CMIP: variants seen among roughly 807,000 people sequenced by gnomAD.
CMIP encodes the protein c-Maf inducing protein.
A neutral mutation model predicts 97.3 loss-of-function variants in CMIP; 13 were observed. That is an observed-to-expected ratio of 0.13 (90% CI 0.09 to 0.21). CMIP has a LOEUF of 0.21. Among genes scored for constraint, CMIP ranks in the 10% least tolerant of loss-of-function variants. The probability of loss-of-function intolerance (pLI) is 1.00; values close to 1 mark genes in which losing one functional copy is unlikely to be tolerated. For synonymous variants in CMIP, 538 were observed against 436.3 expected (o/e 1.23, Z -2.91); for missense variants, 847 against 1,024.9 (o/e 0.83, Z 2.37).
At chr16:81,696,857 T>C (rs1906787733) in intron 14 of CMIP, 190 bp downstream of exon 14, 1 of 613,046 alleles carries the variant, frequency 1.6e-6, no homozygotes, top group Non-Finnish European at 2.8e-6. Flanking sequence ...TCATTTCTTA[T>C]CTGAGGCTCC....
rs74248280 is a variant in CMIP at position 81,638,633 on chromosome 16, C to T, written c.478-13570C>T. Among the ~76,000 whole-genome samples the T allele has an allele frequency of 9.7e-3, 1,472 of 152,128 alleles. 44 individuals carry two copies. In the East Asian group the frequency reaches 0.1, roughly 10 times the overall value. On this transcript the variant is annotated intron_variant, in intron 3 of 20. Coordinates refer to ENST00000537098, the MANE Select transcript of CMIP (RefSeq NM_198390.3). ...TCTCCCTTCTCCTTGGAGAAGAACC[C>T]GGCAGCTTCTGCCTGCACCTGAGAA...
At chr16:81,466,067 T>C (rs1490944562) in intron 1 of CMIP, among the ~76,000 whole-genome samples, 1 of 152,078 alleles carries the variant, frequency 6.6e-6, no homozygotes, top group Non-Finnish European at 1.5e-5. Context: ...TTTTATTTTG[T>C]CTTATTTTTT....
intron 1 of CMIP, among the ~76,000 whole-genome samples, chr16:81,460,240 T>G (rs1256798306): frequency 6.6e-6 from 1 of 152,064 alleles, no homozygotes; most frequent in Non-Finnish European, 1.5e-5. Flanking sequence ...GTCTGGCCAG[T>G]GGAGAGCCTG....
At chr16:81,528,864 C>T (rs73594500) in intron 1 of CMIP, among the ~76,000 whole-genome samples, 73 of 152,194 alleles carry the variant, frequency 4.8e-4, no homozygotes, top group African/African-American at 1.3e-3. Context: ...TTGGTGAGCG[C>T]GATTTTTTTG....
intron 1 of CMIP, among the ~76,000 whole-genome samples, chr16:81,465,664 G>C (rs1907158644): frequency 6.6e-6 from 1 of 152,250 alleles, no homozygotes; most frequent in Non-Finnish European, 1.5e-5. Context: ...GCCTGGCTCA[G>C]CTGAACCGTG....
At chr16:81,689,695 T>C (rs1597253932) in intron 10 of CMIP, among the ~76,000 whole-genome samples, 1 of 152,254 alleles carries the variant, frequency 6.6e-6, no homozygotes, top group African/African-American at 2.4e-5. Flanking sequence ...TTTGTTGCCA[T>C]TGCTTTTGGT....
At chr16:81,595,714 A>G (rs1163255967) in intron 1 of CMIP, among the ~76,000 whole-genome samples, 2 of 152,144 alleles carry the variant, frequency 1.3e-5, no homozygotes, top group Non-Finnish European at 2.9e-5. Flanking sequence ...AGGTTCATCC[A>G]TGTGGTAATG....
intron 13 of CMIP, among the ~76,000 whole-genome samples, chr16:81,694,664 C>T (rs1016632607): frequency 2.6e-5 from 4 of 152,210 alleles, no homozygotes; most frequent in Admixed American, 6.5e-5. Context: ...GCCGCCGCAT[C>T]CCTTCCCGGT....
intron 1 of CMIP, among the ~76,000 whole-genome samples, chr16:81,548,180 C>G (rs2090585834): frequency 7.1e-6 from 1 of 139,910 alleles, no homozygotes; most frequent in Non-Finnish European, 1.5e-5. Context: ...GTCCCTCAGG[C>G]TAGAGTGCAG....
At chr16:81,524,229 C>G (rs535708410) in intron 1 of CMIP, among the ~76,000 whole-genome samples, 2 of 152,354 alleles carry the variant, frequency 1.3e-5, no homozygotes, top group South Asian at 2.1e-4. Context: ...GCTGGATTCT[C>G]TCAATTGCTC....
intron 3 of CMIP, among the ~76,000 whole-genome samples, chr16:81,629,135 A>T (rs370606266): frequency 0.017 from 150 of 8,602 alleles, no homozygotes; most frequent in African/African-American, 0.047. Flanking sequence ...AACTGTGCTT[A>T]AAAAAAAAAA....
Position 81,627,484 on chromosome 16 carries a change from C to T in CMIP, c.477+6558C>T, listed in dbSNP as rs369201556. On this transcript the variant is annotated intron_variant, in intron 3 of 20. Coordinates refer to ENST00000537098, the MANE Select transcript of CMIP (RefSeq NM_198390.3). The surrounding 1 kb of genome is among the most constrained non-coding windows in gnomAD (Gnocchi z 4.6). ...TCCGACATGGTGGGAGCAGCTGGCT[C>T]GGCCTGTCTCCCTGGCAGCCCCTTC... Among the ~76,000 whole-genome samples the T allele has an allele frequency of 4.2e-5, 6 of 144,494 alleles. No individual in the cohort carries two copies. The highest frequency in any genetic ancestry group is 6.8e-5 in the Admixed American group (1 of 14,670). 94.8% of individuals were successfully genotyped at this position (144,494 alleles called of 152,430 possible). A position where few individuals can be genotyped will look rare whatever the true frequency, so the allele number is the denominator to read the frequency against.
intron 1 of CMIP, among the ~76,000 whole-genome samples, chr16:81,506,974 C>T (rs796862294): frequency 9.9e-5 from 15 of 151,632 alleles, no homozygotes; most frequent in African/African-American, 2.2e-4. Flanking sequence ...GATCATCGGC[C>T]GGGCACAGTG....
At chr16:81,603,423 T>G in intron 1 of CMIP, 1 of 454,402 alleles carries the variant, frequency 2.2e-6, no homozygotes, top group South Asian at 1.6e-5. Context: ...TAGGACAGTT[T>G]GAGATGTATA....
intron 8 of CMIP, 107 bp downstream of exon 8, chr16:81,670,352 C>T (rs1355433715): frequency 1.7e-6 from 2 of 1,209,434 alleles, no homozygotes; most frequent in Non-Finnish European, 2.3e-6. Context: ...AATGAAGACT[C>T]CCTCTATGAG....
At chr16:81,484,565 G>T (rs988687594) in intron 1 of CMIP, among the ~76,000 whole-genome samples, 3 of 152,174 alleles carry the variant, frequency 2.0e-5, no homozygotes, top group African/African-American at 7.2e-5. Flanking sequence ...GAGGGTGGGG[G>T]ACTTGAGGCA....
At chr16:81,451,315 G>C (rs1906201101) in intron 1 of CMIP, among the ~76,000 whole-genome samples, 1 of 152,058 alleles carries the variant, frequency 6.6e-6, no homozygotes, top group Non-Finnish European at 1.5e-5. Flanking sequence ...TTCTCCTCTT[G>C]TCTGCCACCA....
intron 1 of CMIP, among the ~76,000 whole-genome samples, chr16:81,480,802 C>T (rs555091748): frequency 2.8e-4 from 43 of 152,330 alleles, no homozygotes; most frequent in Non-Finnish European, 4.7e-4. Flanking sequence ...GTTTCCCCAA[C>T]ATTGTTGGGA....
intron 1 of CMIP, among the ~76,000 whole-genome samples, chr16:81,447,430 C>T (rs542976750): frequency 5.8e-4 from 88 of 152,184 alleles, no homozygotes; most frequent in African/African-American, 1.8e-3. Flanking sequence ...AGGCTAATGC[C>T]TCCCCACTTA....
Sources: allele counts gnomAD v4.1 joint callset (sites outside exome capture counted in the v4.1 genomes callset), GRCh38; gene constraint gnomAD v4.1.1; non-coding constraint Gnocchi (gnomAD v3.1); transcripts MANE v1.5; gene names NCBI Gene and HGNC (gene_info 2026-07-23, HGNC 2026-07-21).